TEAD1: variants seen among roughly 807,000 people sequenced by gnomAD.
The protein encoded by TEAD1 is transcriptional enhancer factor TEF-1.
Under a neutral mutation model 54.9 loss-of-function variants are expected in TEAD1, and 9 were observed. The ratio of observed to expected loss-of-function variants is 0.16; its 90% CI spans 0.10 to 0.29. The LOEUF (loss-of-function observed/expected upper bound fraction) is 0.29. TEAD1 is among the 10% of genes least tolerant of loss of function. The pLI is 1.00. For synonymous variants in TEAD1, 200 were observed against 187.8 expected, an observed-to-expected ratio of 1.07 and a Z score of -0.53; for missense variants, 387 against 535.9, an observed-to-expected ratio of 0.72 and a Z score of 2.74.
chr11:12,736,027 A>G (rs545050042), intron 2 of TEAD1, among the ~76,000 whole-genome samples: 1 of 152,362 alleles, frequency 6.6e-6, no homozygotes, highest in South Asian at 2.1e-4. Context: ...CTAGACATCT[A>G]GAGAAGTAAA....
At chr11:12,707,230 G>A (rs1422201563) in intron 2 of TEAD1, among the ~76,000 whole-genome samples, 2 of 147,734 alleles carry the variant, frequency 1.4e-5, no homozygotes, top group South Asian at 4.3e-4. Context: ...GAACGCAGTT[G>A]ATGTCTTCTT....
intron 10 of TEAD1, among the ~76,000 whole-genome samples, chr11:12,912,119 C>A (rs1181253430): frequency 6.6e-6 from 1 of 152,076 alleles, no homozygotes; most frequent in Non-Finnish European, 1.5e-5. Flanking sequence ...GAAAAGGAGA[C>A]CTCAAGAGAC....
At chr11:12,705,501 A>G (rs1205090814) in intron 2 of TEAD1, among the ~76,000 whole-genome samples, 1 of 152,136 alleles carries the variant, frequency 6.6e-6, no homozygotes, top group Admixed American at 6.5e-5. Flanking sequence ...ACCTGTCACC[A>G]TTCTGCTTGC....
In TEAD1 at chr11:12,871,184, G is replaced by A. The variant is rs537265112; in HGVS notation, c.330+6284G>A. Among the ~76,000 whole-genome samples, 281 of 152,336 alleles carry A rather than the reference G, an allele frequency of 1.8e-3. 1 individual carries two copies. Among genetic ancestry groups the A allele is most frequent in the Non-Finnish European group, 3.2e-3 (220 of 68,034 alleles). On this transcript the variant is annotated intron_variant, in intron 5 of 12. Coordinates refer to ENST00000527636, the MANE Select transcript of TEAD1 (RefSeq NM_021961.6). ...TCCATTTAAAAATCCTGAGGATGCT[G>A]AGTTAGAGGTCTCCCTTGGACCTTG...
In TEAD1 at chr11:12,937,168, T is replaced by C. The variant is rs1276242313; in HGVS notation, c.1227T>C (p.Val409=). ...TCTGCATGGCCTGTGTGTTTGAAGT[T>C]TCAAATAGTGAACACGGAGCACAAC... The change falls in exon 13 of 13, where the codon GTT becomes GTC. Residue 409 remains valine (V), a synonymous_variant. Transcript: ENST00000527636. 1 of 1,613,960 alleles carries C rather than the reference T, an allele frequency of 6.2e-7. No homozygotes were observed. The highest frequency in any genetic ancestry group is 1.3e-5 in the African/African-American group (1 of 74,900).
chr11:12,729,818 G>C (rs1944384140), intron 2 of TEAD1, among the ~76,000 whole-genome samples: 1 of 152,196 alleles, frequency 6.6e-6, no homozygotes, highest in South Asian at 2.1e-4. Context: ...AGAATGCACT[G>C]GGTCCCTAAT....
At chr11:12,929,558 T>C (rs1220120775) in intron 11 of TEAD1, among the ~76,000 whole-genome samples, 1 of 152,154 alleles carries the variant, frequency 6.6e-6, no homozygotes, top group Non-Finnish European at 1.5e-5. Flanking sequence ...CGTTTTGATG[T>C]AAAATATCTC....
chr11:12,908,883 G>GTTTTTTTTTT lies in TEAD1; in HGVS notation c.873+6774_873+6783dup, dbSNP rs60042137. Among the ~76,000 whole-genome samples the GTTTTTTTTTT allele has an allele frequency of 7.8e-3, 779 of 99,576 alleles. 20 individuals are homozygous for GTTTTTTTTTT. Among genetic ancestry groups the GTTTTTTTTTT allele is most frequent in the East Asian group, 0.019 (47 of 2,464 alleles). 65.3% of individuals were successfully genotyped at this position (99,576 alleles called of 152,430 possible). A position where few individuals can be genotyped will look rare whatever the true frequency, so the allele number is the denominator to read the frequency against. On this transcript the variant is annotated intron_variant, in intron 10 of 12. Coordinates refer to ENST00000527636, the MANE Select transcript of TEAD1 (RefSeq NM_021961.6). ...TATGTCAGTATACTTCAAATTATCT[G>GTTTTTTTTTT]TTTTTTTTTTTTTGAGACAGTGTTG...
intron 2 of TEAD1, among the ~76,000 whole-genome samples, chr11:12,717,548 A>G (rs1944091007): frequency 2.0e-5 from 3 of 152,192 alleles, no homozygotes; most frequent in African/African-American, 4.8e-5. Context: ...GGTTATGTCA[A>G]AGTAGTGTTT....
At chr11:12,876,220 G>A (rs530840655) in intron 5 of TEAD1, among the ~76,000 whole-genome samples, 81 of 152,286 alleles carry the variant, frequency 5.3e-4, no homozygotes, top group African/African-American at 1.9e-3. Context: ...GACATAAACA[G>A]CAAAGATAGG....
chr11:12,922,875 G>A (rs1948835285), intron 10 of TEAD1: 1 of 135,822 alleles, frequency 7.4e-6, no homozygotes, highest in Non-Finnish European at 1.5e-5. Flanking sequence ...GTTGCAGTGA[G>A]CCTCGCACCA....
In TEAD1 at chr11:12,764,164, G is replaced by A. The variant is rs529620507; in HGVS notation, c.-54-15G>A. ...GTTACCACATCCTTATACTGTTTTT[G>A]GTTTTCTCTTCTAGGTTTATTTTCT... On this transcript the variant is annotated splice_polypyrimidine_tract_variant and intron_variant, in intron 2 of 12. Coordinates refer to ENST00000527636, the MANE Select transcript of TEAD1 (RefSeq NM_021961.6). The A allele has an allele frequency of 5.1e-5, 77 of 1,523,778 alleles. No individual in the cohort carries two copies. Among genetic ancestry groups the A allele is most frequent in the Non-Finnish European group, 6.5e-5 (73 of 1,127,402 alleles). 94.4% of individuals were successfully genotyped at this position (1,523,778 alleles called of 1,614,324 possible). A position where few individuals can be genotyped will look rare whatever the true frequency, so the allele number is the denominator to read the frequency against.
Position 12,902,043 on chromosome 11 carries a change from A to T in TEAD1, c.803A>T (p.Glu268Val). ...CGTCAGATTTATGACAAATTTCCTG[A>T]AAAGAAAGGTGGCTTAAAGGAACTG... is the stretch of plus-strand genomic sequence containing the variant. Residue 268 changes from glutamate to valine, a missense_variant, in exon 10 of 13, where the codon GAA becomes GTA. Physicochemically the swap from Glu to Val is moderately radical, Grantham distance 121. Coordinates refer to ENST00000527636, the MANE Select transcript of TEAD1 (RefSeq NM_021961.6). 1 of 1,614,262 alleles carries T rather than the reference A, an allele frequency of 6.2e-7. No individual in the cohort carries two copies. The highest frequency in any genetic ancestry group is 1.1e-5 in the South Asian group (1 of 91,080).
At chr11:12,795,099 TG>T (rs1945886743) in intron 3 of TEAD1, among the ~76,000 whole-genome samples, 1 of 152,232 alleles carries the variant, frequency 6.6e-6, no homozygotes, top group Non-Finnish European at 1.5e-5. Context: ...GTTGAGGGGT[TG>T]GCAGGGCCAT....
rs1284353459 is a variant in TEAD1, at chr11:12,677,716, G to A, written c.-55+2155G>A. On this transcript the variant is annotated intron_variant, in intron 2 of 12. Coordinates refer to ENST00000527636, the MANE Select transcript of TEAD1 (RefSeq NM_021961.6). ...AGCAGAAAAGTATATAATACGAACA[G>A]TTTAAAGCATGTAGATCCCAAATAT... Among the ~76,000 whole-genome samples, 7 of 152,176 alleles carry A rather than the reference G, an allele frequency of 4.6e-5. No homozygotes were observed. In the East Asian group the frequency reaches 1.3e-3, roughly 29 times the overall value.
At chr11:12,865,005 TC>T (rs1158371053) in intron 5 of TEAD1, 105 bp downstream of exon 5, 16 of 1,263,800 alleles carry the variant, frequency 1.3e-5, no homozygotes, top group Non-Finnish European at 1.9e-5. Context: ...TAACCTAGTT[TC>T]CTTGCATGTG....
chr11:12,754,493 CT>C (rs1944945295), intron 2 of TEAD1, among the ~76,000 whole-genome samples: 2 of 152,132 alleles, frequency 1.3e-5, no homozygotes, highest in African/African-American at 4.8e-5. Flanking sequence ...TTCTGATAGT[CT>C]AGAGACTATC....
intron 2 of TEAD1, among the ~76,000 whole-genome samples, chr11:12,737,591 T>G (rs1387251172): frequency 6.6e-6 from 1 of 152,242 alleles, no homozygotes; most frequent in African/African-American, 2.4e-5. Context: ...TTTGTGCTTT[T>G]CAGTTGCAGC....
chr11:12,924,925 G>A lies in TEAD1; in HGVS notation c.887G>A (p.Cys296Tyr), dbSNP rs1948881095. ...CCTTTCCAACAGGCTGATTTAAACT[G>A]CAATATTCAAGATGATGCTGGGGCT... is the stretch of plus-strand genomic sequence containing the variant. Residue 296 changes from cysteine to tyrosine, a missense_variant, in exon 11 of 13, where the codon TGC becomes TAC. Cys to Tyr is a radical substitution (Grantham distance 194). Around this residue, in one of 5 missense-constraint regions of TEAD1, gnomAD observed 123 missense variants for 199.0 expected, o/e 0.62. Coordinates refer to ENST00000527636, the MANE Select transcript of TEAD1 (RefSeq NM_021961.6). The A allele has an allele frequency of 1.9e-6, 3 of 1,614,144 alleles. No individual in the cohort carries two copies. Among genetic ancestry groups the A allele is most frequent in the African/African-American group, 2.7e-5 (2 of 75,036 alleles).
Sources: gnomAD v4.1 joint callset for allele counts (sites outside exome capture counted in the v4.1 genomes callset) on GRCh38, gnomAD v4.1.1 for gene constraint, gnomAD v4.1.1 regional missense constraint, MANE v1.5 for transcripts, NCBI Gene and HGNC (gene_info 2026-07-23, HGNC 2026-07-21) for gene names.